SLC24A4: variants seen among roughly 807,000 people sequenced by gnomAD.
SLC24A4 encodes the protein sodium/potassium/calcium exchanger 4.
Under a neutral mutation model 79.0 loss-of-function variants are expected in SLC24A4, and 53 were observed. The ratio of observed to expected loss-of-function variants is 0.67; its 90% CI spans 0.54 to 0.84. The LOEUF (loss-of-function observed/expected upper bound fraction) is 0.84. Among genes scored for constraint, SLC24A4 ranks in the 40% least tolerant of loss-of-function variants. The probability of loss-of-function intolerance (pLI) is 0.00; values close to 1 mark genes in which losing one functional copy is unlikely to be tolerated. For synonymous variants in SLC24A4, 323 were observed against 323.8 expected (o/e 1.00, Z 0.03); for missense variants, 731 against 822.0 (o/e 0.89, Z 1.35).
chr14:92,457,290 C>CCAGG lies in SLC24A4; in HGVS notation c.1255+682_1255+683insCAGG, dbSNP rs1343503582. ...TCCTCACTGTCATTCCTAGAACACA[C>CCAGG]TGTCATTCCTAGAACTGCGCACCTG... On this transcript the variant is annotated intron_variant, in intron 12 of 16. Transcript: ENST00000532405. 5 of 153,156 alleles carry CCAGG rather than the reference C, an allele frequency of 3.3e-5. No individual in the cohort carries two copies. The South Asian group carries it at 6.3e-4, about 19-fold the overall frequency. 9.5% of individuals were successfully genotyped at this position (153,156 alleles called of 1,614,324 possible). A position where few individuals can be genotyped will look rare whatever the true frequency, so the allele number is the denominator to read the frequency against.
chr14:92,461,758 C>T (rs1264912707), intron 12 of SLC24A4, among the ~76,000 whole-genome samples: 1 of 152,186 alleles, frequency 6.6e-6, no homozygotes, highest in Non-Finnish European at 1.5e-5. Flanking sequence ...TCTCACGGGG[C>T]ATCTGTGCCC....
intron 14 of SLC24A4, among the ~76,000 whole-genome samples, chr14:92,489,654 A>C (rs956176855): frequency 7.9e-5 from 12 of 152,118 alleles, no homozygotes; most frequent in Non-Finnish European, 1.6e-4. Flanking sequence ...AGACCCACTG[A>C]ATCAGAATCT....
chr14:92,449,337 C>A, intron 10 of SLC24A4, 121 bp downstream of exon 10: 2 of 1,287,186 alleles, frequency 1.6e-6, no homozygotes, highest in Middle Eastern at 2.4e-4. Context: ...CTCACAATGT[C>A]CCCCCTCTAA....
chr14:92,359,306 T>C (rs1887360990), intron 2 of SLC24A4, among the ~76,000 whole-genome samples: 1 of 147,708 alleles, frequency 6.8e-6, no homozygotes, highest in African/African-American at 2.6e-5. Flanking sequence ...CCGGGCACAG[T>C]GGCTCACGCC....
At chr14:92,348,204 T>C (rs1382069142) in intron 2 of SLC24A4, among the ~76,000 whole-genome samples, 1 of 152,178 alleles carries the variant, frequency 6.6e-6, no homozygotes, top group Non-Finnish European at 1.5e-5. Context: ...CATTTCCCTG[T>C]TTATGAGATG....
At position 92,430,962 on chromosome 14, in the gene SLC24A4, C is replaced by T; in HGVS notation, c.242-2950C>T. 1.3e-5 allele frequency among the ~76,000 whole-genome samples: 2 copies of T among 152,208 alleles called. 1 individual carries two copies. Among genetic ancestry groups the T allele is most frequent in the Non-Finnish European group, 2.9e-5 (2 of 68,036 alleles). ...CCCCCTCAGACACGCAAGCATCCCG[C>T]CCTTGAACATGGCCCAGTGGCTCCT... On this transcript the variant is annotated intron_variant, in intron 2 of 16. Transcript: ENST00000532405.
chr14:92,458,732 C>G (rs1195840234), intron 12 of SLC24A4, among the ~76,000 whole-genome samples: 2 of 152,234 alleles, frequency 1.3e-5, no homozygotes, highest in African/African-American at 4.8e-5. Flanking sequence ...CCACCCCTTA[C>G]AGCCCCAAGT....
At chr14:92,416,775 C>G (rs1891006133) in intron 2 of SLC24A4, among the ~76,000 whole-genome samples, 1 of 152,196 alleles carries the variant, frequency 6.6e-6, no homozygotes, top group South Asian at 2.1e-4. Context: ...AATCCAGACC[C>G]TGGTGACTCT....
At chr14:92,462,391 ATT>A (rs930827833) in intron 12 of SLC24A4, 12 of 151,112 alleles carry the variant, frequency 7.9e-5, no homozygotes, top group Admixed American at 2.6e-4. Flanking sequence ...GCTTTATTTT[ATT>A]TTTGTTTATT....
At chr14:92,362,251 C>T (rs1887575728) in intron 2 of SLC24A4, among the ~76,000 whole-genome samples, 2 of 149,508 alleles carry the variant, frequency 1.3e-5, no homozygotes, top group African/African-American at 4.9e-5. Context: ...CTCCCCGGCT[C>T]TTTGGGGTCT....
intron 2 of SLC24A4, among the ~76,000 whole-genome samples, chr14:92,363,753 C>T (rs771957028): frequency 4.6e-5 from 7 of 152,092 alleles, no homozygotes; most frequent in Non-Finnish European, 7.4e-5. Flanking sequence ...TCACTTGAAC[C>T]CGGGAGGTGC....
intron 2 of SLC24A4, among the ~76,000 whole-genome samples, chr14:92,402,146 A>G (rs1890149674): frequency 6.6e-6 from 1 of 152,128 alleles, no homozygotes; most frequent in Non-Finnish European, 1.5e-5. Flanking sequence ...GAACAATATT[A>G]ATATTTGCTG....
rs745380992 is a variant in SLC24A4, at chr14:92,325,990, A to G, written c.241+12A>G. 9.6e-6 allele frequency: 15 copies of G among 1,564,020 alleles called. No individual in the cohort carries two copies. The South Asian group carries it at 1.3e-4, about 14-fold the overall frequency. On this transcript the variant is annotated intron_variant, in intron 2 of 16. Coordinates refer to ENST00000532405, the MANE Select transcript of SLC24A4 (RefSeq NM_153646.4). ...CTGCACAGATCCTGGTAAGAAATCA[A>G]TTCTTCTCCACTCAGTCTACTAAGA...
At chr14:92,471,866 A>G (rs1642897896) in intron 12 of SLC24A4, among the ~76,000 whole-genome samples, 1 of 152,224 alleles carries the variant, frequency 6.6e-6, no homozygotes, top group South Asian at 2.1e-4. Flanking sequence ...AATGCCCTCT[A>G]CAACCTAGAA....
At chr14:92,362,419 A>C (rs149600222) in intron 2 of SLC24A4, among the ~76,000 whole-genome samples, 1 of 151,822 alleles carries the variant, frequency 6.6e-6, no homozygotes, top group South Asian at 2.1e-4. Context: ...AGTCCCCCCA[A>C]TGTTCACCTC....
At chr14:92,429,306 G>T (rs116199067) in intron 2 of SLC24A4, among the ~76,000 whole-genome samples, 1,662 of 152,306 alleles carry the variant, frequency 0.011, 29 homozygotes, top group African/African-American at 0.038. Context: ...ATACACGACT[G>T]TAGGTGTTTC....
At chr14:92,377,495 A>G (rs1285265659) in intron 2 of SLC24A4, among the ~76,000 whole-genome samples, 1 of 152,212 alleles carries the variant, frequency 6.6e-6, no homozygotes, top group East Asian at 1.9e-4. Flanking sequence ...TGCAGTACCC[A>G]TGTAGGAGAG....
At chr14:92,341,588 C>G (rs986067078) in intron 2 of SLC24A4, among the ~76,000 whole-genome samples, 8 of 152,226 alleles carry the variant, frequency 5.3e-5, no homozygotes, top group African/African-American at 1.7e-4. Context: ...TGCAGCGACT[C>G]ACCTGGCTGC....
At chr14:92,458,001 C>A (rs188781505) in intron 12 of SLC24A4, among the ~76,000 whole-genome samples, 15 of 152,328 alleles carry the variant, frequency 9.8e-5, no homozygotes, top group African/African-American at 2.9e-4. Context: ...ATGCAGGTTT[C>A]ATTTAGGATC....
Sources: gnomAD v4.1 joint callset for allele counts (sites outside exome capture counted in the v4.1 genomes callset) on GRCh38, gnomAD v4.1.1 for gene constraint, MANE v1.5 for transcripts, NCBI Gene and HGNC (gene_info 2026-07-23, HGNC 2026-07-21) for gene names.